The following MCFD2 variants were observed in gnomAD, a reference collection of about 807,000 sequenced individuals.
The protein encoded by MCFD2 is multiple coagulation factor deficiency protein 2.
Under a neutral mutation model 12.8 loss-of-function variants are expected in MCFD2, and 11 were observed. The ratio of observed to expected loss-of-function variants is 0.86; its 90% CI spans 0.54 to 1.42. MCFD2 has a LOEUF of 1.42. Ranked by LOEUF, MCFD2 falls within the 40% of genes most tolerant of loss-of-function variation. The pLI is 0.00. For missense variants in MCFD2, 191 were observed against 178.6 expected (o/e 1.07, Z -0.40); for synonymous variants, 70 against 68.1 (o/e 1.03, Z -0.14).
rs771706958 is a variant in MCFD2, at chr2:46,907,798, T to C, written c.309+12A>G. On this transcript the variant is annotated intron_variant, in intron 3 of 3. Transcript: ENST00000319466. This position sits in a 1 kb window ranked among gnomAD's most constrained non-coding sequence, Gnocchi z 4.1. ...TCTGTGATACAGTCCCCCAAGCCAC[T>C]GCCAGACCTACCTCCTTATGGACAT... The C allele has an allele frequency of 1.2e-6, 2 of 1,614,048 alleles. No individual in the cohort carries two copies. Among genetic ancestry groups the C allele is most frequent in the Non-Finnish European group, 1.7e-6 (2 of 1,179,948 alleles).
At chr2:46,905,673 G>GAAAGAACATGGA in intron 3 of MCFD2, 79 bp from the exon 4 acceptor site, 2 of 658,182 alleles carry the variant, frequency 3.0e-6, no homozygotes, top group Non-Finnish European at 5.3e-6. Flanking sequence ...AAATATCCAT[G>GAAAGAACATGGA]TTCTTTCATG....
chr2:46,920,289 GTT>G (rs1376167611), upstream of MCFD2, among the ~76,000 whole-genome samples: 1 of 151,988 alleles, frequency 6.6e-6, no homozygotes, highest in Non-Finnish European at 1.5e-5. Context: ...GTTGTTTGGA[GTT>G]TTTGACATTA....
chr2:46,912,338 A>G (rs1668522103), intron 1 of MCFD2, among the ~76,000 whole-genome samples: 1 of 152,242 alleles, frequency 6.6e-6, no homozygotes, highest in Admixed American at 6.5e-5. Flanking sequence ...GACTGTCTCA[A>G]AAAAATTTTT....
Position 46,908,807 on chromosome 2 carries a change from C to A in MCFD2, c.149+216G>T. The A allele has an allele frequency of 1.6e-6, 1 of 618,212 alleles. No homozygotes were observed. The highest frequency in any genetic ancestry group is 2.8e-6 in the Non-Finnish European group (1 of 352,908). 38.3% of individuals were successfully genotyped at this position (618,212 alleles called of 1,614,324 possible). ...AGACCGGATTCAGACAAGTAATGTG[C>A]CCCATTTGGGCCTAAAGATCTTCCA... On this transcript the variant is annotated intron_variant, in intron 2 of 3. Transcript: ENST00000319466. This position sits in a 1 kb window ranked among gnomAD's most constrained non-coding sequence, Gnocchi z 4.5.
intron 1 of MCFD2, among the ~76,000 whole-genome samples, chr2:46,939,683 C>T (rs13430346): frequency 0.058 from 8,880 of 152,210 alleles, 319 homozygotes; most frequent in African/African-American, 0.093. Flanking sequence ...ACTCCCTGCC[C>T]CAGGGCTGAC....
chr2:46,916,896 G>C (rs1450770596), upstream of MCFD2, among the ~76,000 whole-genome samples: 4 of 151,988 alleles, frequency 2.6e-5, no homozygotes, highest in African/African-American at 7.3e-5. Context: ...GCCTCCCAAA[G>C]TGCTGGGATT....
intron 1 of MCFD2, among the ~76,000 whole-genome samples, chr2:46,930,263 G>A (rs60694631): frequency 0.012 from 1,782 of 151,618 alleles, 41 homozygotes; most frequent in African/African-American, 0.04. Context: ...TAAATCCCTG[G>A]AAAATTATCA....
At position 46,908,158 on chromosome 2, in the gene MCFD2, T is replaced by A; in HGVS notation, c.150-189A>T. ...CTTGAGAGGAGCAGGAAAAGTCAAA[T>A]AGACCATCTGTTATGCTGGCAGGAT... On this transcript the variant is annotated intron_variant, in intron 2 of 3. Transcript: ENST00000319466. This position sits in a 1 kb window ranked among gnomAD's most constrained non-coding sequence, Gnocchi z 4.5. The A allele has an allele frequency of 7.6e-6, 5 of 662,030 alleles. No individual in the cohort carries two copies. The South Asian group carries it at 8.5e-5, about 11-fold the overall frequency. 41.0% of individuals were successfully genotyped at this position (662,030 alleles called of 1,614,324 possible). A position where few individuals can be genotyped will look rare whatever the true frequency, so the allele number is the denominator to read the frequency against.
intron 3 of MCFD2, 94 bp from the exon 4 acceptor site, chr2:46,905,688 TG>T: frequency 1.0e-6 from 1 of 989,630 alleles, no homozygotes; most frequent in Non-Finnish European, 1.5e-6. Flanking sequence ...TTCATGGCAC[TG>T]TTTATTAAAA....
chr2:46,909,220 G>T, intron 1 of MCFD2, 43 bp from the exon 2 acceptor site: 3 of 1,590,974 alleles, frequency 1.9e-6, no homozygotes, highest in Non-Finnish European at 2.6e-6. Context: ...GAGCATCAGA[G>T]CAAAGGTTTC....
At chr2:46,916,280 A>G (rs1668784609), upstream of MCFD2, 4 of 656,516 alleles carry the variant, frequency 6.1e-6, no homozygotes, top group Non-Finnish European at 7.6e-6. Flanking sequence ...CCGGCCTTGG[A>G]CCCTACGTTT....
rs1222238924 is a variant in MCFD2 at position 46,908,780 on chromosome 2, A to G, written c.149+243T>C. On this transcript the variant is annotated intron_variant, in intron 2 of 3. Transcript: ENST00000319466. This position sits in a 1 kb window ranked among gnomAD's most constrained non-coding sequence, Gnocchi z 4.5. ...GTGTCTGTCTGTGGTGAAAAAAAGG[A>G]GAGACCGGATTCAGACAAGTAATGT... 3.6e-6 allele frequency: 2 copies of G among 556,922 alleles called. No individual in the cohort carries two copies. Among genetic ancestry groups the G allele is most frequent in the Non-Finnish European group, 6.4e-6 (2 of 310,732 alleles). 34.5% of individuals were successfully genotyped at this position (556,922 alleles called of 1,614,324 possible).
rs1239990361 is a variant in MCFD2 at position 46,941,037 on chromosome 2, C to CGGCGGG, written c.-8+529_-8+534dup. The CGGCGGG allele has an allele frequency of 6.6e-6, 1 of 151,092 alleles. No homozygotes were observed. The allele number at this position is 151,092 out of a possible 1,614,324, so 9.4% of individuals were successfully genotyped here. On this transcript the variant is annotated intron_variant, in intron 1 of 2. Coordinates refer to the MCFD2 transcript ENST00000409147. The surrounding 1 kb of genome is among the most constrained non-coding windows in gnomAD (Gnocchi z 4.2). ...GGGATTAAAGTGAGCTCCGACTCCG[C>CGGCGGG]GGCGGGGGCGGCGGCGGGGGGCGGG...
At chr2:46,909,265 CTGA>C in intron 1 of MCFD2, 88 bp from the exon 2 acceptor site, 1 of 1,440,970 alleles carries the variant, frequency 6.9e-7, no homozygotes, top group Non-Finnish European at 9.6e-7. Context: ...CCTGGGAAAC[CTGA>C]TGAAGCAGTA....
upstream of MCFD2, among the ~76,000 whole-genome samples, chr2:46,917,603 AT>A (rs1010316688): frequency 6.6e-6 from 1 of 152,046 alleles, no homozygotes; most frequent in Non-Finnish European, 1.5e-5. Flanking sequence ...CAGTGCTTTC[AT>A]TTTTTTCCTA....
chr2:46,908,882 A>G lies in MCFD2; in HGVS notation c.149+141T>C. 1 of 1,126,556 alleles carries G rather than the reference A, an allele frequency of 8.9e-7. No homozygotes were observed. Among genetic ancestry groups the G allele is most frequent in the Non-Finnish European group, 1.3e-6 (1 of 750,994 alleles). The allele number at this position is 1,126,556 out of a possible 1,614,324, so 69.8% of individuals were successfully genotyped here. A position where few individuals can be genotyped will look rare whatever the true frequency, so the allele number is the denominator to read the frequency against. Reference sequence around the variant, plus strand: ...AATACCTGACTTATAGGTGGCAATAAGGAATAAGAATCATCCTTGAAGAAT... The same window carrying G: ...AATACCTGACTTATAGGTGGCAATAGGGAATAAGAATCATCCTTGAAGAAT... On this transcript the variant is annotated intron_variant, in intron 2 of 3. Transcript: ENST00000319466. This position sits in a 1 kb window ranked among gnomAD's most constrained non-coding sequence, Gnocchi z 4.5.
chr2:46,917,398 C>G (rs1365908161), upstream of MCFD2: 1 of 569,412 alleles, frequency 1.8e-6, no homozygotes, highest in Non-Finnish European at 3.1e-6. Context: ...CTCCTTCTAC[C>G]CTGCATCTGC....
rs1372236670 is a variant in MCFD2 at position 46,905,115 on chromosome 2, A to T, written c.*348T>A. On this transcript the variant is annotated 3_prime_UTR_variant, in exon 4 of 4. Coordinates refer to ENST00000319466, the MANE Select transcript of MCFD2 (RefSeq NM_139279.6). ...GAAGTGCCTTTCACCTCCCGCCATG[A>T]TTCTGAGGCCTCCCCAGCCATGTGG... 2 of 347,398 alleles carry T rather than the reference A, an allele frequency of 5.8e-6. No individual in the cohort carries two copies. The highest frequency in any genetic ancestry group is 5.4e-6 in the Non-Finnish European group (1 of 183,884). 21.5% of individuals were successfully genotyped at this position (347,398 alleles called of 1,614,324 possible). A position where few individuals can be genotyped will look rare whatever the true frequency, so the allele number is the denominator to read the frequency against.
chr2:46,907,728 C>T lies in MCFD2; in HGVS notation c.309+82G>A. 1.4e-6 allele frequency: 2 copies of T among 1,450,210 alleles called. No individual in the cohort carries two copies. The highest frequency in any genetic ancestry group is 2.3e-5 in the South Asian group (2 of 87,104). The allele number at this position is 1,450,210 out of a possible 1,614,324, so 89.8% of individuals were successfully genotyped here. ...CAGCACTCTTGGCACATAAGGACAA[C>T]ACAAGTCAACAAGACTGGGGACCAA... On this transcript the variant is annotated intron_variant, in intron 3 of 3. Transcript: ENST00000319466. This position sits in a 1 kb window ranked among gnomAD's most constrained non-coding sequence, Gnocchi z 4.1.
Sources: gnomAD v4.1 joint callset for allele counts (sites outside exome capture counted in the v4.1 genomes callset) on GRCh38, gnomAD v4.1.1 for gene constraint, Gnocchi (gnomAD v3.1) non-coding constraint, MANE v1.5 for transcripts, NCBI Gene and HGNC (gene_info 2026-07-23, HGNC 2026-07-21) for gene names.